The following NKAIN3 variants were observed in gnomAD, a reference collection of about 807,000 sequenced individuals.
NKAIN3 encodes the protein sodium/potassium transporting ATPase interacting 3.
NKAIN3 carries 25 observed loss-of-function variants against 30.2 expected under a neutral mutation model. That is an observed-to-expected ratio of 0.83 (90% CI 0.60 to 1.16). NKAIN3 has a LOEUF of 1.16. Among genes scored for constraint, NKAIN3 ranks in the 50% most tolerant of loss-of-function variants. The pLI, the probability that NKAIN3 is intolerant of heterozygous loss-of-function variation, is 0.00. For missense variants in NKAIN3, 225 were observed against 254.1 expected (o/e 0.89, Z 0.78); for synonymous variants, 91 against 89.6 (o/e 1.02, Z -0.09).
chr8:62,540,425 A>G (rs1445131398), intron 1 of NKAIN3, among the ~76,000 whole-genome samples: 1 of 152,218 alleles, frequency 6.6e-6, no homozygotes, highest in Non-Finnish European at 1.5e-5. Flanking sequence ...CTATGTAAGA[A>G]CTATTCATAA....
At chr8:62,888,094 C>T (rs1821199221) in intron 4 of NKAIN3, among the ~76,000 whole-genome samples, 1 of 152,122 alleles carries the variant, frequency 6.6e-6, no homozygotes, top group African/African-American at 2.4e-5. Context: ...GAATTGTGAC[C>T]TTCACAAATA....
intron 4 of NKAIN3, among the ~76,000 whole-genome samples, chr8:62,905,644 C>A (rs917126404): frequency 1.3e-5 from 2 of 152,144 alleles, no homozygotes; most frequent in African/African-American, 4.8e-5. Flanking sequence ...ATAATTAAGA[C>A]CACTGATGTC....
chr8:62,672,859 T>G (rs959342742), intron 3 of NKAIN3, among the ~76,000 whole-genome samples: 13 of 152,356 alleles, frequency 8.5e-5, no homozygotes, highest in Middle Eastern at 3.4e-3. Flanking sequence ...CTAAAAAAAT[T>G]GATTTTTTCT....
chr8:62,938,676 A>G (rs1339861482), intron 5 of NKAIN3, among the ~76,000 whole-genome samples: 1 of 152,178 alleles, frequency 6.6e-6, no homozygotes, highest in African/African-American at 2.4e-5. Context: ...GGCTCTTAGG[A>G]AGCCCCACCC....
intron 1 of NKAIN3, among the ~76,000 whole-genome samples, chr8:62,395,833 A>T (rs1817737495): frequency 6.6e-6 from 1 of 152,216 alleles, no homozygotes; most frequent in Non-Finnish European, 1.5e-5. Context: ...TGATCAATAG[A>T]GGTTCTGCTT....
At chr8:62,362,154 A>G (rs1475701817) in intron 1 of NKAIN3, among the ~76,000 whole-genome samples, 5 of 152,224 alleles carry the variant, frequency 3.3e-5, no homozygotes, top group African/African-American at 1.2e-4. Context: ...AGTTGAGTGA[A>G]TAAATGAATG....
At chr8:62,563,383 A>G (rs537215806) in intron 1 of NKAIN3, among the ~76,000 whole-genome samples, 2 of 152,224 alleles carry the variant, frequency 1.3e-5, no homozygotes, top group South Asian at 4.1e-4. Context: ...ATTTTTTGTG[A>G]CATTCTTACC....
chr8:62,475,383 G>T (rs545834068), intron 1 of NKAIN3, among the ~76,000 whole-genome samples: 1 of 152,080 alleles, frequency 6.6e-6, no homozygotes, highest in Non-Finnish European at 1.5e-5. Context: ...CCTGCTCTTC[G>T]TGGGCCCTTC....
At chr8:62,349,289 G>A (rs1816109355) in intron 1 of NKAIN3, among the ~76,000 whole-genome samples, 1 of 152,150 alleles carries the variant, frequency 6.6e-6, no homozygotes, top group African/African-American at 2.4e-5. Flanking sequence ...GGGAGGATTA[G>A]AGCAAGCTGC....
At chr8:62,828,203 T>C (rs1241396130) in intron 4 of NKAIN3, among the ~76,000 whole-genome samples, 1 of 152,178 alleles carries the variant, frequency 6.6e-6, no homozygotes, top group Non-Finnish European at 1.5e-5. Context: ...CTAGAAAAGA[T>C]AAAACTATTG....
At chr8:62,787,298 C>A (rs1295087487) in intron 4 of NKAIN3, among the ~76,000 whole-genome samples, 1 of 152,050 alleles carries the variant, frequency 6.6e-6, no homozygotes, top group African/African-American at 2.4e-5. Context: ...TCTGTTTACT[C>A]TCCAAAAGAT....
chr8:62,709,641 C>G (rs1036109907), intron 3 of NKAIN3, among the ~76,000 whole-genome samples: 5 of 151,870 alleles, frequency 3.3e-5, no homozygotes, highest in African/African-American at 1.2e-4. Context: ...TTAATGGTCT[C>G]TCAATTTTAT....
intron 1 of NKAIN3, among the ~76,000 whole-genome samples, chr8:62,532,117 T>G (rs1166929461): frequency 1.3e-5 from 2 of 152,218 alleles, no homozygotes; most frequent in Non-Finnish European, 2.9e-5. Context: ...CTTTCTTTCT[T>G]GAACATGCTC....
At chr8:62,763,093 C>T (rs908167739) in intron 4 of NKAIN3, among the ~76,000 whole-genome samples, 20 of 151,120 alleles carry the variant, frequency 1.3e-4, no homozygotes, top group Admixed American at 8.6e-4. Context: ...TGGTGGCGGG[C>T]GCCTGTAGTC....
intron 1 of NKAIN3, among the ~76,000 whole-genome samples, chr8:62,281,017 G>A (rs1360363318): frequency 6.6e-6 from 1 of 152,024 alleles, no homozygotes; most frequent in Non-Finnish European, 1.5e-5. Context: ...ACTTTTTTTG[G>A]TTGGTAGTCT....
intron 6 of NKAIN3, among the ~76,000 whole-genome samples, chr8:62,956,471 G>T (rs1246567831): frequency 6.6e-6 from 1 of 152,114 alleles, no homozygotes; most frequent in Admixed American, 6.5e-5. Flanking sequence ...CTGCAGAATT[G>T]TACAGGAAGC....
chr8:62,448,769 T>G (rs1426904673), intron 1 of NKAIN3, among the ~76,000 whole-genome samples: 1 of 151,942 alleles, frequency 6.6e-6, no homozygotes, highest in African/African-American at 2.4e-5. Context: ...GTCATTGAGC[T>G]TAAGTCTAGA....
chr8:62,730,538 CAT>C (rs1160599290), intron 3 of NKAIN3, among the ~76,000 whole-genome samples: 1 of 151,990 alleles, frequency 6.6e-6, no homozygotes, highest in East Asian at 1.9e-4. Flanking sequence ...TATTACTTGC[CAT>C]GAAAAAGAAA....
chr8:62,261,169 T>C (rs531121466), intron 1 of NKAIN3, among the ~76,000 whole-genome samples: 1 of 152,360 alleles, frequency 6.6e-6, no homozygotes, highest in African/African-American at 2.4e-5. Context: ...AACTAATTAA[T>C]GCATGTATAG....
Sources: gnomAD v4.1 joint callset for allele counts (sites outside exome capture counted in the v4.1 genomes callset) on GRCh38, gnomAD v4.1.1 for gene constraint, MANE v1.5 for transcripts, NCBI Gene and HGNC (gene_info 2026-07-23, HGNC 2026-07-21) for gene names.